The following SLC38A6 variants were observed in gnomAD, a reference collection of about 807,000 sequenced individuals.
The protein encoded by SLC38A6 is N system amino acid transporter NAT-1.
In SLC38A6, 73 loss-of-function variants were observed where a neutral mutation model predicts 65.0. That is an observed-to-expected ratio of 1.12 (90% CI 0.93 to 1.37). SLC38A6 has a LOEUF of 1.37. SLC38A6 is among the 40% of genes most tolerant of loss of function. The pLI, the probability that SLC38A6 is intolerant of heterozygous loss-of-function variation, is 0.00. For synonymous variants in SLC38A6, 183 were observed against 178.8 expected (o/e 1.02, Z -0.19); for missense variants, 561 against 531.1 (o/e 1.06, Z -0.55).
In SLC38A6 at chr14:61,045,405, C is replaced by T; in HGVS notation, c.804C>T (p.Pro268=). 6.2e-7 allele frequency: 1 copy of T among 1,612,716 alleles called. No individual in the cohort carries two copies. The highest frequency in any genetic ancestry group is 2.2e-5 in the East Asian group (1 of 44,812). ...FSFLCHTSIL[P]IYCELQSPSK... ...TTCTCTGCCATACCTCAATATTGCCCATATACTGTGAACTTCAAAGGTACT... is the reference window on the plus strand; with the variant it reads ...TTCTCTGCCATACCTCAATATTGCCTATATACTGTGAACTTCAAAGGTACT... Residue 268 remains proline (P), a synonymous_variant, in exon 11 of 16, where the codon CCC becomes CCT. Coordinates refer to ENST00000267488, the MANE Select transcript of SLC38A6 (RefSeq NM_153811.3).
At chr14:61,079,806 A>C (rs2043572658) in intron 16 of SLC38A6, among the ~76,000 whole-genome samples, 1 of 152,110 alleles carries the variant, frequency 6.6e-6, no homozygotes, top group Non-Finnish European at 1.5e-5. Context: ...ATACTTGGTG[A>C]GTGTTGATGG....
chr14:61,013,750 A>G (rs1354472533), intron 3 of SLC38A6, among the ~76,000 whole-genome samples: 1 of 152,188 alleles, frequency 6.6e-6, no homozygotes, highest in African/African-American at 2.4e-5. Context: ...CTGCCAAGAG[A>G]TCAGCTGTTA....
At position 61,012,491 on chromosome 14, in the gene SLC38A6, G is replaced by T. The variant is rs146355218; in HGVS notation, c.311-3413G>T. Among the ~76,000 whole-genome samples, 735 of 152,180 alleles carry T rather than the reference G, an allele frequency of 4.8e-3. 6 individuals are homozygous for T. Among genetic ancestry groups the T allele is most frequent in the African/African-American group, 0.017 (691 of 41,524 alleles). On this transcript the variant is annotated intron_variant, in intron 3 of 15. Coordinates refer to ENST00000267488, the MANE Select transcript of SLC38A6 (RefSeq NM_153811.3). ...TTGTGATGTTAGGGTGTCAATTTTA[G>T]ATCTTTCCTGCTTTCTCTTGTGGGC...
At chr14:60,987,307 G>C (rs55710196) in intron 3 of SLC38A6, 3,665 of 152,816 alleles carry the variant, frequency 0.024, 58 homozygotes, top group Non-Finnish European at 0.037. Flanking sequence ...AAGAGAAAGA[G>C]CTATCATGAG....
At chr14:61,028,887 C>G (rs963043320) in intron 5 of SLC38A6, among the ~76,000 whole-genome samples, 4 of 152,122 alleles carry the variant, frequency 2.6e-5, no homozygotes, top group African/African-American at 9.7e-5. Flanking sequence ...CGCAAAGTAG[C>G]ATGTATCCTT....
intron 3 of SLC38A6, among the ~76,000 whole-genome samples, chr14:61,013,521 A>C (rs903824692): frequency 6.6e-6 from 1 of 152,178 alleles, no homozygotes; most frequent in East Asian, 1.9e-4. Flanking sequence ...AGTGACTGGT[A>C]CTGGTTGTTC....
At chr14:61,027,628 T>C (rs2040680204) in intron 5 of SLC38A6, among the ~76,000 whole-genome samples, 1 of 152,160 alleles carries the variant, frequency 6.6e-6, no homozygotes, top group Admixed American at 6.6e-5. Context: ...GTTCATTTTA[T>C]TGAGCTGATT....
chr14:60,996,813 C>A (rs1594993148), intron 3 of SLC38A6, among the ~76,000 whole-genome samples: 6 of 152,242 alleles, frequency 3.9e-5, no homozygotes, highest in Admixed American at 3.9e-4. Context: ...AGGAGCAATA[C>A]TGTAAACTAG....
At chr14:61,048,631 A>G (rs2042308207) in intron 12 of SLC38A6, among the ~76,000 whole-genome samples, 1 of 152,200 alleles carries the variant, frequency 6.6e-6, no homozygotes, top group Admixed American at 6.5e-5. Context: ...GTTCTTCAAG[A>G]TTCAGGAGCT....
At chr14:61,040,076 G>T (rs972068701) in intron 8 of SLC38A6, among the ~76,000 whole-genome samples, 22 of 151,836 alleles carry the variant, frequency 1.4e-4, no homozygotes, top group African/African-American at 5.1e-4. Context: ...GTATTTTAGA[G>T]CACAAGCGGA....
intron 15 of SLC38A6, among the ~76,000 whole-genome samples, chr14:61,068,306 C>A (rs1158681731): frequency 6.6e-6 from 1 of 152,168 alleles, no homozygotes; most frequent in Admixed American, 6.5e-5. Flanking sequence ...TTTCATACTG[C>A]AAAGTAGTTG....
intron 15 of SLC38A6, among the ~76,000 whole-genome samples, chr14:61,062,716 C>T (rs537827355): frequency 3.9e-5 from 6 of 152,136 alleles, no homozygotes; most frequent in East Asian, 1.9e-4. Context: ...GTCTCACTTC[C>T]GTCACCCAGG....
rs368283037 is a variant in SLC38A6, at chr14:61,062,831, C to G, written c.1290+10696C>G. ...GCATAGCTGGAATTACAGGCGCACG[C>G]CACCACACCCAGCTAATTTTTGTAT... On this transcript the variant is annotated intron_variant, in intron 15 of 16. Coordinates refer to the SLC38A6 transcript ENST00000354886. Among the ~76,000 whole-genome samples the G allele has an allele frequency of 8.5e-5, 13 of 152,278 alleles. 1 individual carries two copies. The East Asian group carries it at 2.1e-3, about 25-fold the overall frequency.
intron 15 of SLC38A6, chr14:61,074,019 G>A (rs1168115467): frequency 6.6e-6 from 1 of 152,126 alleles, no homozygotes; most frequent in Non-Finnish European, 1.5e-5. Context: ...TAAGAAAATA[G>A]TATATAATAC....
At chr14:61,009,819 G>C (rs1332765444) in intron 3 of SLC38A6, among the ~76,000 whole-genome samples, 1 of 152,178 alleles carries the variant, frequency 6.6e-6, no homozygotes, top group Non-Finnish European at 1.5e-5. Context: ...CTTTGCTATT[G>C]TGAATAGTGC....
At chr14:61,043,983 A>G (rs1000194899) in intron 10 of SLC38A6, among the ~76,000 whole-genome samples, 3 of 152,160 alleles carry the variant, frequency 2.0e-5, no homozygotes, top group Non-Finnish European at 4.4e-5. Context: ...GTTGAAATTC[A>G]TGATGCCAGG....
chr14:61,045,939 C>G (rs777190313), intron 11 of SLC38A6, 128 bp from the exon 12 acceptor site: 8 of 565,982 alleles, frequency 1.4e-5, no homozygotes, highest in African/African-American at 3.8e-5. Flanking sequence ...CGAATGAGGA[C>G]TTCTAGTGTA....
At chr14:61,002,538 C>T (rs1416171018) in intron 3 of SLC38A6, among the ~76,000 whole-genome samples, 2 of 152,128 alleles carry the variant, frequency 1.3e-5, no homozygotes, top group Admixed American at 1.3e-4. Context: ...ATTAATTGTC[C>T]TATTTCATTG....
At chr14:60,992,763 C>T (rs879899395) in intron 3 of SLC38A6, among the ~76,000 whole-genome samples, 3 of 151,808 alleles carry the variant, frequency 2.0e-5, no homozygotes, top group Non-Finnish European at 4.4e-5. Flanking sequence ...CTAGCCAAAC[C>T]GCAACCTCCG....
Sources: gnomAD v4.1 joint callset for allele counts (sites outside exome capture counted in the v4.1 genomes callset) on GRCh38, gnomAD v4.1.1 for gene constraint, MANE v1.5 for transcripts, NCBI Gene and HGNC (gene_info 2026-07-23, HGNC 2026-07-21) for gene names.